Variants in SSH1 observed in about 807,000 individuals in gnomAD.
The protein encoded by SSH1 is protein phosphatase Slingshot homolog 1.
Under a neutral mutation model 79.7 loss-of-function variants are expected in SSH1, and 43 were observed. The observed-to-expected ratio is 0.54, with a 90% CI of 0.42 to 0.70. SSH1 has a LOEUF of 0.70. SSH1 is among the 30% of genes least tolerant of loss of function. SSH1 has a pLI of 0.00. For synonymous variants in SSH1, 599 were observed against 538.3 expected (o/e 1.11, Z -1.56); for missense variants, 1,206 against 1,358.8 (o/e 0.89, Z 1.77).
At chr12:108,819,106 CG>C (rs908502722) in intron 3 of SSH1, among the ~76,000 whole-genome samples, 4 of 151,860 alleles carry the variant, frequency 2.6e-5, no homozygotes, top group African/African-American at 4.8e-5. Flanking sequence ...TTTCCATAAC[CG>C]GGGGGGCGGG....
chr12:108,813,890 T>C (rs1593070080), intron 5 of SSH1, among the ~76,000 whole-genome samples: 1 of 152,084 alleles, frequency 6.6e-6, no homozygotes, highest in East Asian at 1.9e-4. Flanking sequence ...TAAGGTGGCA[T>C]GGCTGCTCTG....
chr12:108,811,470 G>C, intron 5 of SSH1, 142 bp from the exon 6 acceptor site: 1 of 748,914 alleles, frequency 1.3e-6, no homozygotes, highest in East Asian at 2.7e-5. Context: ...GTTCACTGAT[G>C]AATTCTAGAA....
rs869152185 is a variant in SSH1, at chr12:108,782,655, T to C, written c.*5333A>G. ...TGTATCAGACTGTTTTGGCAAGGGC[T>C]GAGGAAGCAGTTTCCTTTTATATAA... On this transcript the variant is annotated 3_prime_UTR_variant, in exon 15 of 15. Coordinates refer to ENST00000326495, the MANE Select transcript of SSH1 (RefSeq NM_018984.4). 2 of 152,080 alleles carry C rather than the reference T, an allele frequency of 1.3e-5. No individual in the cohort carries two copies. Among genetic ancestry groups the C allele is most frequent in the Non-Finnish European group, 2.9e-5 (2 of 68,022 alleles). The allele number at this position is 152,080 out of a possible 1,614,324, so 9.4% of individuals were successfully genotyped here. A position where few individuals can be genotyped will look rare whatever the true frequency, so the allele number is the denominator to read the frequency against.
At chr12:108,819,813 A>G (rs1039666005) in intron 3 of SSH1, among the ~76,000 whole-genome samples, 1 of 152,190 alleles carries the variant, frequency 6.6e-6, no homozygotes, top group East Asian at 1.9e-4. Context: ...AGGAAAAAAA[A>G]TTACTCTATA....
rs1384134584 is a variant in SSH1 at position 108,782,469 on chromosome 12, TG to T, written c.*5518del. 1 of 152,176 alleles carries T rather than the reference TG, an allele frequency of 6.6e-6. No homozygotes were observed. The highest frequency in any genetic ancestry group is 1.5e-5 in the Non-Finnish European group (1 of 68,026). 9.4% of individuals were successfully genotyped at this position (152,176 alleles called of 1,614,324 possible). On this transcript the variant is annotated 3_prime_UTR_variant, in exon 15 of 15. Coordinates refer to ENST00000326495, the MANE Select transcript of SSH1 (RefSeq NM_018984.4). ...CACAGGTGGGCCTGTTCTTGCTTACTGACAAAATTAGAAAGAAAACAGACTA... is the reference window on the plus strand; with the variant it reads ...CACAGGTGGGCCTGTTCTTGCTTACTACAAAATTAGAAAGAAAACAGACTA...
At chr12:108,821,115 C>T (rs1055583502) in intron 3 of SSH1, among the ~76,000 whole-genome samples, 1 of 152,180 alleles carries the variant, frequency 6.6e-6, no homozygotes, top group African/African-American at 2.4e-5. Context: ...TATGGCACCT[C>T]AAACCTATAA....
chr12:108,839,403 G>T (rs1257368645), intron 2 of SSH1, among the ~76,000 whole-genome samples: 1 of 152,200 alleles, frequency 6.6e-6, no homozygotes, highest in African/African-American at 2.4e-5. Flanking sequence ...TGGCACGGGT[G>T]GGCCTGGCCA....
intron 3 of SSH1, among the ~76,000 whole-genome samples, chr12:108,820,159 T>A (rs2038063463): frequency 6.6e-6 from 1 of 152,160 alleles, no homozygotes; most frequent in African/African-American, 2.4e-5. Flanking sequence ...ATTATAGGCA[T>A]GAGCCACCAA....
chr12:108,848,578 G>A (rs1178715442), intron 2 of SSH1, among the ~76,000 whole-genome samples: 1 of 152,178 alleles, frequency 6.6e-6, no homozygotes, highest in Non-Finnish European at 1.5e-5. Flanking sequence ...GAGAGAAGAG[G>A]CCTGAAAATG....
intron 2 of SSH1, among the ~76,000 whole-genome samples, chr12:108,841,810 C>T (rs1020895407): frequency 2.0e-5 from 3 of 147,398 alleles, no homozygotes; most frequent in Non-Finnish European, 4.5e-5. Flanking sequence ...TCCATCCCCC[C>T]CCACAAAAAA....
intron 2 of SSH1, among the ~76,000 whole-genome samples, chr12:108,828,918 C>T (rs938702346): frequency 6.6e-6 from 1 of 152,166 alleles, no homozygotes; most frequent in South Asian, 2.1e-4. Flanking sequence ...GGCAGTTCTG[C>T]AGGGTAAGGT....
chr12:108,795,244 G>C (rs2036697383), intron 13 of SSH1, among the ~76,000 whole-genome samples: 1 of 152,174 alleles, frequency 6.6e-6, no homozygotes, highest in East Asian at 1.9e-4. Flanking sequence ...GCTCTATTGG[G>C]TGGGTATTCT....
chr12:108,827,287 C>G (rs996686504), intron 2 of SSH1: 2 of 1,550,996 alleles, frequency 1.3e-6, no homozygotes, highest in East Asian at 2.4e-5. Context: ...AACCTCTGGA[C>G]AGCAGAAGCA....
rs1188818800 is a variant in SSH1 at position 108,780,264 on chromosome 12, A to T, written c.*7724T>A. The T allele has an allele frequency of 6.6e-6, 1 of 152,160 alleles. No individual in the cohort carries two copies. The highest frequency in any genetic ancestry group is 1.5e-5 in the Non-Finnish European group (1 of 68,038). The allele number at this position is 152,160 out of a possible 1,614,324, so 9.4% of individuals were successfully genotyped here. A position where few individuals can be genotyped will look rare whatever the true frequency, so the allele number is the denominator to read the frequency against. The stretch of plus-strand genomic sequence containing the variant: ...TCCCCAGGCATAAACACAAACAAGC[A>T]TGCGGATCCTCCCCAGCAAAACCAC... On this transcript the variant is annotated 3_prime_UTR_variant, in exon 15 of 15. Transcript: ENST00000326495.
chr12:108,799,772 G>T (rs1251417690), intron 12 of SSH1, among the ~76,000 whole-genome samples: 1 of 152,246 alleles, frequency 6.6e-6, no homozygotes, highest in Non-Finnish European at 1.5e-5. Context: ...GGAAGATGGG[G>T]CTGGCCGTTT....
chr12:108,825,794 A>G (rs532250554), intron 2 of SSH1, among the ~76,000 whole-genome samples: 15 of 152,220 alleles, frequency 9.9e-5, no homozygotes, highest in Non-Finnish European at 1.9e-4. Context: ...ATAGGAAGTA[A>G]AAAGCTCTTT....
intron 5 of SSH1, among the ~76,000 whole-genome samples, chr12:108,815,377 A>G (rs1006463884): frequency 6.6e-6 from 1 of 152,192 alleles, no homozygotes; most frequent in African/African-American, 2.4e-5. Context: ...GGGCTTCCAC[A>G]CTGCTCCCAC....
At chr12:108,801,736 T>TAAAAAAAAA (rs10710750) in intron 11 of SSH1, among the ~76,000 whole-genome samples, 1 of 137,714 alleles carries the variant, frequency 7.3e-6, no homozygotes, top group African/African-American at 2.7e-5. Context: ...TGTGTTGTTT[T>TAAAAAAAAA]AAAAAAAAAA....
intron 5 of SSH1, among the ~76,000 whole-genome samples, chr12:108,813,655 A>G (rs1250161189): frequency 1.4e-5 from 2 of 147,906 alleles, no homozygotes; most frequent in African/African-American, 5.0e-5. Context: ...TGAGGCTGCA[A>G]TGAGCCTTGA....
Sources: gnomAD v4.1 joint callset for allele counts (sites outside exome capture counted in the v4.1 genomes callset) on GRCh38, gnomAD v4.1.1 for gene constraint, MANE v1.5 for transcripts, NCBI Gene and HGNC (gene_info 2026-07-23, HGNC 2026-07-21) for gene names.